PIGL: variants seen among roughly 807,000 people sequenced by gnomAD.
PIGL encodes the protein N-acetylglucosaminyl-phosphatidylinositol de-N-acetylase.
Under a neutral mutation model 31.1 loss-of-function variants are expected in PIGL, and 22 were observed. The observed-to-expected ratio is 0.71, with a 90% CI of 0.51 to 1.01. The LOEUF is 1.01. Among genes scored for constraint, PIGL ranks in the 50% least tolerant of loss-of-function variants. The pLI, the probability that PIGL is intolerant of heterozygous loss-of-function variation, is 0.00. For missense variants in PIGL, 302 were observed against 315.9 expected (o/e 0.96, Z 0.33); for synonymous variants, 131 against 117.4 (o/e 1.12, Z -0.75).
chr17:16,239,122 GC>G (rs1306313463), intron 2 of PIGL, among the ~76,000 whole-genome samples: 1 of 151,788 alleles, frequency 6.6e-6, no homozygotes, highest in African/African-American at 2.4e-5. Context: ...ATTGCTTGAG[GC>G]CAGAAGTTCA....
chr17:16,217,640 T>TCTACACAA, intron 1 of PIGL, 179 bp downstream of exon 1: 1 of 540,152 alleles, frequency 1.9e-6, no homozygotes, highest in South Asian at 2.8e-5. Flanking sequence ...CCTGGTGGGT[T>TCTACACAA]GGGGGACGTC....
intron 2 of PIGL, among the ~76,000 whole-genome samples, chr17:16,288,451 C>T (rs527866355): frequency 3.3e-5 from 5 of 152,306 alleles, no homozygotes; most frequent in South Asian, 4.1e-4. Context: ...GTGATCCACC[C>T]GCCTTGGCCT....
intron 5 of PIGL, 130 bp from the exon 6 acceptor site, chr17:16,317,644 GA>G: frequency 6.6e-7 from 1 of 1,507,300 alleles, no homozygotes; most frequent in Non-Finnish European, 8.9e-7. Flanking sequence ...TAGTGCCACA[GA>G]AACACGTGGC....
chr17:16,309,801 G>A lies in PIGL; in HGVS notation c.427-3746G>A, dbSNP rs183151630. On this transcript the variant is annotated intron_variant, in intron 3 of 6. Coordinates refer to ENST00000225609, the MANE Select transcript of PIGL (RefSeq NM_004278.4). Reference sequence around the variant, plus strand: ...AAGAAAGAAATATAAACATTAGGCCGGGCACGGTGGCTCACGCCTGTAATC... The same window carrying A: ...AAGAAAGAAATATAAACATTAGGCCAGGCACGGTGGCTCACGCCTGTAATC... Among the ~76,000 whole-genome samples, 522 of 151,504 alleles carry A rather than the reference G, an allele frequency of 3.4e-3. 2 individuals carry two copies. The highest frequency in any genetic ancestry group is 5.6e-3 in the Non-Finnish European group (381 of 67,928).
intron 2 of PIGL, among the ~76,000 whole-genome samples, chr17:16,254,613 TG>T (rs1414602519): frequency 6.8e-6 from 1 of 146,236 alleles, no homozygotes; most frequent in African/African-American, 2.6e-5. Context: ...TTTTTTGTTT[TG>T]TTTTTTTTGA....
intron 2 of PIGL, among the ~76,000 whole-genome samples, chr17:16,255,873 A>G (rs2092791691): frequency 6.6e-6 from 1 of 152,222 alleles, no homozygotes; most frequent in Admixed American, 6.5e-5. Flanking sequence ...TGTTTCCTAG[A>G]AAAGAAACCA....
At chr17:16,279,534 T>C (rs2092908417) in intron 2 of PIGL, 1 of 152,254 alleles carries the variant, frequency 6.6e-6, no homozygotes, top group African/African-American at 2.4e-5. Context: ...TTCTAACTTT[T>C]AAATTTTCAT....
rs35578509 is a variant in PIGL, at chr17:16,241,114, CAAAAAAAAAAA to C, written c.335+7056_335+7066del. ...GGGCAACAAAAACGAAACTCCCTCT[CAAAAAAAAAAA>C]AAAAAAAAAAAGAAGTGGCAGGAAT... is the stretch of plus-strand genomic sequence containing the variant. On this transcript the variant is annotated intron_variant, in intron 2 of 6. Transcript: ENST00000225609. Among the ~76,000 whole-genome samples, 16 of 52,994 alleles carry C rather than the reference CAAAAAAAAAAA, an allele frequency of 3.0e-4. No homozygotes were observed. The South Asian group carries it at 4.2e-3, about 14-fold the overall frequency. 34.8% of individuals were successfully genotyped at this position (52,994 alleles called of 152,430 possible).
intron 2 of PIGL, among the ~76,000 whole-genome samples, chr17:16,241,792 T>G (rs1360008546): frequency 6.6e-6 from 1 of 152,198 alleles, no homozygotes; most frequent in Non-Finnish European, 1.5e-5. Flanking sequence ...AGAAATTTGG[T>G]ACCCTGCTTT....
chr17:16,323,052 A>G (rs1253242183), intron 6 of PIGL, among the ~76,000 whole-genome samples: 2 of 152,214 alleles, frequency 1.3e-5, no homozygotes, highest in Non-Finnish European at 2.9e-5. Flanking sequence ...TTAAACAGAA[A>G]TATACACAAA....
intron 2 of PIGL, among the ~76,000 whole-genome samples, chr17:16,263,210 G>T (rs1288970083): frequency 6.6e-6 from 1 of 152,060 alleles, no homozygotes; most frequent in Non-Finnish European, 1.5e-5. Context: ...ATTGAGATAG[G>T]ATCTCGCTCC....
intron 1 of PIGL, among the ~76,000 whole-genome samples, chr17:16,222,287 A>T (rs2092632851): frequency 6.6e-6 from 1 of 151,934 alleles, no homozygotes; most frequent in Non-Finnish European, 1.5e-5. Flanking sequence ...TTTGAGCTGG[A>T]CTTTAAAAAT....
At chr17:16,318,302 C>A (rs139268703) in intron 6 of PIGL, among the ~76,000 whole-genome samples, 5,555 of 150,334 alleles carry the variant, frequency 0.037, 118 homozygotes, top group East Asian at 0.074. Context: ...CGGAGTTTTG[C>A]TCTTGTCACC....
chr17:16,221,421 A>T (rs2092628326), intron 1 of PIGL, among the ~76,000 whole-genome samples: 1 of 151,376 alleles, frequency 6.6e-6, no homozygotes. Context: ...CCAATAGTTG[A>T]GACTATAGGC....
chr17:16,235,540 G>A lies in PIGL; in HGVS notation c.335+1470G>A, dbSNP rs1283487283. Among the ~76,000 whole-genome samples the A allele has an allele frequency of 3.2e-4, 46 of 143,704 alleles. No individual in the cohort carries two copies. The Admixed American group carries it at 3.5e-3, about 11-fold the overall frequency. The allele number at this position is 143,704 out of a possible 152,430, so 94.3% of individuals were successfully genotyped here. On this transcript the variant is annotated intron_variant, in intron 2 of 6. Transcript: ENST00000225609. ...CGGCTCACTGCAACCTCCACCTCCTGGATTCAAGCGGTTCTCCCCCCTCAG... is the reference window on the plus strand; with the variant it reads ...CGGCTCACTGCAACCTCCACCTCCTAGATTCAAGCGGTTCTCCCCCCTCAG...
intron 2 of PIGL, among the ~76,000 whole-genome samples, chr17:16,278,180 C>T (rs1385147670): frequency 2.6e-5 from 4 of 152,072 alleles, no homozygotes; most frequent in African/African-American, 4.8e-5. Context: ...CTCAGTCTAC[C>T]GAGTAACTGG....
At chr17:16,266,376 G>A (rs4352085) in intron 2 of PIGL, among the ~76,000 whole-genome samples, 1,454 of 121,596 alleles carry the variant, frequency 0.012, 27 homozygotes, top group African/African-American at 0.042. Flanking sequence ...GCAACAGAGC[G>A]AGACTCCATC....
Position 16,246,575 on chromosome 17 carries a change from G to A in PIGL, c.335+12505G>A, listed in dbSNP as rs1334399372. Among the ~76,000 whole-genome samples, 79 of 151,370 alleles carry A rather than the reference G, an allele frequency of 5.2e-4. 1 individual carries two copies. Among genetic ancestry groups the A allele is most frequent in the Non-Finnish European group, 4.4e-5 (3 of 67,910 alleles). On this transcript the variant is annotated intron_variant, in intron 2 of 6. Transcript: ENST00000225609. ...ATTCAAGAAAAATGCATCTTAGTCTGCTTGGGCTCCCTTAACAAAATACCG... is the reference window on the plus strand; with the variant it reads ...ATTCAAGAAAAATGCATCTTAGTCTACTTGGGCTCCCTTAACAAAATACCG...
At chr17:16,246,672 CTTTTTTTT>C (rs1197171634) in intron 2 of PIGL, among the ~76,000 whole-genome samples, 11 of 64,176 alleles carry the variant, frequency 1.7e-4, no homozygotes, top group South Asian at 9.8e-4. Flanking sequence ...AGATCAAGGT[CTTTTTTTT>C]TTTTTTTTTT....
Sources: allele counts gnomAD v4.1 joint callset (sites outside exome capture counted in the v4.1 genomes callset), GRCh38; gene constraint gnomAD v4.1.1; transcripts MANE v1.5; gene names NCBI Gene and HGNC (gene_info 2026-07-23, HGNC 2026-07-21).